Variants in FLOT1 observed in about 807,000 individuals in gnomAD.
The protein encoded by FLOT1 is flotillin 1, also known as flotillin-1.
Under a neutral mutation model 58.4 loss-of-function variants are expected in FLOT1, and 40 were observed. That is an observed-to-expected ratio of 0.69 (90% CI 0.53 to 0.89). FLOT1 has a LOEUF of 0.89. FLOT1 is among the 40% of genes least tolerant of loss of function. The probability of loss-of-function intolerance (pLI) is 0.00; values close to 1 mark genes in which losing one functional copy is unlikely to be tolerated. For synonymous variants in FLOT1, 178 were observed against 204.2 expected (o/e 0.87, Z 1.09); for missense variants, 423 against 540.8 (o/e 0.78, Z 2.16).
chr6:30,740,218 G>T lies in FLOT1; in HGVS notation c.663C>A (p.Ala221=), dbSNP rs754967166. The T allele has an allele frequency of 6.2e-7, 1 of 1,612,944 alleles. No homozygotes were observed. The change falls in exon 8 of 13, where the codon GCC becomes GCA. Residue 221 remains alanine (A), a synonymous_variant. Coordinates refer to ENST00000376389, the MANE Select transcript of FLOT1 (RefSeq NM_005803.4). ...KAQRDYELKK[A]AYDIEVNTRR... is the part of the protein sequence containing the mutation. Reference sequence around the variant, plus strand: ...GGGTGTTGACCTCGATGTCATAGGCGGCCTTCTTCAGTTCGTAATCTCTCT... The same window carrying T: ...GGGTGTTGACCTCGATGTCATAGGCTGCCTTCTTCAGTTCGTAATCTCTCT...
At position 30,730,183 on chromosome 6, in the gene FLOT1, C is replaced by T. The variant is rs1208853182; in HGVS notation, c.1093G>A (p.Ala365Thr). The T allele has an allele frequency of 6.2e-7, 1 of 1,612,952 alleles. No homozygotes were observed. Among genetic ancestry groups the T allele is most frequent in the Admixed American group, 1.7e-5 (1 of 60,016 alleles). Reference protein sequence around the residue: ...DMLLEKLPQVAEEISGPLTSA... With the variant: ...DMLLEKLPQVTEEISGPLTSA... ...GTCAAGGGACCACTGATCTCCTCTGCCACCTGGCAGGAGAGAGACACCCAC... is the reference window on the plus strand; with the variant it reads ...GTCAAGGGACCACTGATCTCCTCTGTCACCTGGCAGGAGAGAGACACCCAC... The change falls in exon 12 of 13, where the codon GCA (alanine) becomes ACA (threonine). Residue 365 changes from alanine (A) to threonine (T), a missense_variant. Physicochemically the swap from Ala to Thr is moderately conservative, Grantham distance 58. Coordinates refer to ENST00000376389, the MANE Select transcript of FLOT1 (RefSeq NM_005803.4).
At chr6:30,734,115 C>G (rs1777402519) in intron 8 of FLOT1, among the ~76,000 whole-genome samples, 1 of 147,286 alleles carries the variant, frequency 6.8e-6, no homozygotes, top group Non-Finnish European at 1.5e-5. Flanking sequence ...TGAGATCTCT[C>G]TCTCTCTAGA....
intron 8 of FLOT1, among the ~76,000 whole-genome samples, chr6:30,735,399 G>T (rs1777494262): frequency 6.6e-6 from 1 of 151,358 alleles, no homozygotes; most frequent in African/African-American, 2.4e-5. Flanking sequence ...ATCACTTGAG[G>T]CTAGCAGTTC....
chr6:30,729,947 G>A lies in FLOT1; in HGVS notation c.1254+75C>T, dbSNP rs1011573599. 2.9e-6 allele frequency: 4 copies of A among 1,385,298 alleles called. No individual in the cohort carries two copies. The African/African-American group carries it at 5.7e-5, about 20-fold the overall frequency. The allele number at this position is 1,385,298 out of a possible 1,614,324, so 85.8% of individuals were successfully genotyped here. The stretch of plus-strand genomic sequence containing the variant: ...CAATGACTCCCAGGCCTGGATGCTG[G>A]TTAAATGCTAGGCATACTGTGTCAC... On this transcript the variant is annotated intron_variant, in intron 12 of 12. Transcript: ENST00000376389.
At chr6:30,733,207 T>C (rs557468292) in intron 8 of FLOT1, among the ~76,000 whole-genome samples, 3 of 152,110 alleles carry the variant, frequency 2.0e-5, no homozygotes, top group Admixed American at 6.5e-5. Flanking sequence ...AGCTAATTTT[T>C]GTGTTTTTAA....
intron 8 of FLOT1, among the ~76,000 whole-genome samples, chr6:30,739,200 A>G (rs2127778075): frequency 6.6e-6 from 1 of 152,246 alleles, no homozygotes; most frequent in Middle Eastern, 3.4e-3. Flanking sequence ...CAAATCAGAA[A>G]TTCCTCTGTG....
chr6:30,732,464 C>T (rs1026682700), intron 8 of FLOT1, among the ~76,000 whole-genome samples: 3 of 151,726 alleles, frequency 2.0e-5, no homozygotes, highest in Non-Finnish European at 2.9e-5. Context: ...ATGATCCTCC[C>T]GCCTCCCCCT....
intron 8 of FLOT1, 85 bp downstream of exon 8, chr6:30,740,073 T>G: frequency 8.8e-5 from 116 of 1,312,680 alleles, no homozygotes; most frequent in Non-Finnish European, 1.2e-4. Flanking sequence ...AGTTAAAGTA[T>G]GAGAAATAGT....
At position 30,730,033 on chromosome 6, in the gene FLOT1, T is replaced by C. The variant is rs773173080; in HGVS notation, c.1243A>G (p.Ser415Gly). 14 of 1,612,904 alleles carry C rather than the reference T, an allele frequency of 8.7e-6. No homozygotes were observed. The East Asian group carries it at 2.0e-4, about 23-fold the overall frequency. Residue 415 changes from serine (S) to glycine (G), a missense_variant, in exon 12 of 13, where the codon AGC (serine) becomes GGC (glycine). Transcript: ENST00000376389. ...PESVERLTGV[S>G]ISQVNHKPLR... Reference sequence around the variant, plus strand: ...ACCTGAGACCTCACCTGGGAGATGCTCACGCCTGTGAGTCTTTCCACACTC... The same window carrying C: ...ACCTGAGACCTCACCTGGGAGATGCCCACGCCTGTGAGTCTTTCCACACTC...
rs1214356628 is a variant in FLOT1 at position 30,737,246 on chromosome 6, G to GTCCATCCATCCATCCA, written c.723+2911_723+2912insTGGATGGATGGATGGA. Reference sequence around the variant, plus strand: ...CGTCCGTCCGTCCGTCCGTCCGTCCGTCCATCCGTCCATCCATCCATCCAT... The same window carrying GTCCATCCATCCATCCA: ...CGTCCGTCCGTCCGTCCGTCCGTCCGTCCATCCATCCATCCATCCATCCGTCCATCCATCCATCCAT... On this transcript the variant is annotated intron_variant, in intron 8 of 12. Transcript: ENST00000376389. The surrounding 1 kb of genome is among the most constrained non-coding windows in gnomAD (Gnocchi z 4.4). Among the ~76,000 whole-genome samples, 271 of 145,392 alleles carry GTCCATCCATCCATCCA rather than the reference G, an allele frequency of 1.9e-3. 4 individuals carry two copies. Among genetic ancestry groups the GTCCATCCATCCATCCA allele is most frequent in the African/African-American group, 6.4e-3 (250 of 38,992 alleles).
chr6:30,741,457 G>A lies in FLOT1; in HGVS notation c.211-124C>T, dbSNP rs890758485. 22 of 1,389,344 alleles carry A rather than the reference G, an allele frequency of 1.6e-5. No individual in the cohort carries two copies. The highest frequency in any genetic ancestry group is 2.1e-5 in the Non-Finnish European group (21 of 992,958). 86.1% of individuals were successfully genotyped at this position (1,389,344 alleles called of 1,614,324 possible). ...CCATTTCAGGGAAAGAAAGGAGGAG[G>A]AGGCAAGTGCCTTGGGGTGCCTGGA... On this transcript the variant is annotated intron_variant, in intron 4 of 12. Coordinates refer to ENST00000376389, the MANE Select transcript of FLOT1 (RefSeq NM_005803.4). The surrounding 1 kb of genome is among the most constrained non-coding windows in gnomAD (Gnocchi z 5.9).
At position 30,742,102 on chromosome 6, in the gene FLOT1, A is replaced by G. The variant is rs1002323051; in HGVS notation, c.43+45T>C. 4 of 1,591,570 alleles carry G rather than the reference A, an allele frequency of 2.5e-6. No homozygotes were observed. Among genetic ancestry groups the G allele is most frequent in the Admixed American group, 3.3e-5 (2 of 59,910 alleles). ...GAGAAGGGGCAGAGGCCAGACTCAC[A>G]GGGGTTCTGGGGTCACTGGCTGGGA... On this transcript the variant is annotated intron_variant, in intron 2 of 12. Transcript: ENST00000376389. This position sits in a 1 kb window ranked among gnomAD's most constrained non-coding sequence, Gnocchi z 5.2.
At position 30,742,096 on chromosome 6, in the gene FLOT1, A is replaced by C; in HGVS notation, c.43+51T>G. Reference sequence around the variant, plus strand: ...GAGAGGGAGAAGGGGCAGAGGCCAGACTCACAGGGGTTCTGGGGTCACTGG... The same window carrying C: ...GAGAGGGAGAAGGGGCAGAGGCCAGCCTCACAGGGGTTCTGGGGTCACTGG... On this transcript the variant is annotated intron_variant, in intron 2 of 12. Transcript: ENST00000376389. The surrounding 1 kb of genome is among the most constrained non-coding windows in gnomAD (Gnocchi z 5.2). 6.3e-7 allele frequency: 1 copy of C among 1,587,108 alleles called. No homozygotes were observed. The highest frequency in any genetic ancestry group is 8.6e-7 in the Non-Finnish European group (1 of 1,157,736).
intron 5 of FLOT1, 21 bp from the exon 6 acceptor site, chr6:30,740,819 G>C (rs555852170): frequency 6.3e-7 from 1 of 1,589,296 alleles, no homozygotes; most frequent in Non-Finnish European, 8.5e-7. Context: ...AGGATGGTGG[G>C]GAGAAGGGAT....
Position 30,728,506 on chromosome 6 carries a change from A to G in FLOT1, c.1255-361T>C, listed in dbSNP as rs544569596. Among the ~76,000 whole-genome samples the G allele has an allele frequency of 1.6e-3, 230 of 146,320 alleles. 4 individuals are homozygous for G. The highest frequency in any genetic ancestry group is 0.011 in the Middle Eastern group (3 of 278). On this transcript the variant is annotated intron_variant, in intron 12 of 12. Transcript: ENST00000376389. ...TTTTTTTGAGACGGAATCTCACTCTATCACCCAGGCTAGAATGCAGTGGTG... is the reference window on the plus strand; with the variant it reads ...TTTTTTTGAGACGGAATCTCACTCTGTCACCCAGGCTAGAATGCAGTGGTG...
In FLOT1 at chr6:30,727,967, A is replaced by G. The variant is rs768418162; in HGVS notation, c.*149T>C. 5.2e-6 allele frequency: 4 copies of G among 776,184 alleles called. No homozygotes were observed. Among genetic ancestry groups the G allele is most frequent in the Non-Finnish European group, 9.1e-6 (4 of 441,788 alleles). The allele number at this position is 776,184 out of a possible 1,614,324, so 48.1% of individuals were successfully genotyped here. A position where few individuals can be genotyped will look rare whatever the true frequency, so the allele number is the denominator to read the frequency against. ...GGCAAGGGGAGCAACCCCCTTCAAG[A>G]CAAGGCACAAACTATTTGGCAAGGA... On this transcript the variant is annotated 3_prime_UTR_variant, in exon 13 of 13. Transcript: ENST00000376389.
rs764742532 is a variant in FLOT1 at position 30,741,665 on chromosome 6, T to C, written c.159A>G (p.Glu53=). The C allele has an allele frequency of 1.2e-6, 2 of 1,612,926 alleles. No individual in the cohort carries two copies. Among genetic ancestry groups the C allele is most frequent in the Admixed American group, 3.3e-5 (2 of 60,012 alleles). Residue 53 remains glutamate, a synonymous_variant, in exon 4 of 13, where the codon GAA becomes GAG. Transcript: ENST00000376389. The surrounding 1 kb of genome is among the most constrained non-coding windows in gnomAD (Gnocchi z 5.9). ...GGACCCCATGGCGAGTGTAAACCTT[T>C]TCACTCTTGACATTGAGGGTCAGTG... ...LNTLTLNVKS[E]KVYTRHGVPI... is the part of the protein sequence containing the mutation.
chr6:30,732,035 A>C (rs187886177), intron 8 of FLOT1, among the ~76,000 whole-genome samples: 16 of 152,214 alleles, frequency 1.1e-4, no homozygotes, highest in Non-Finnish European at 1.8e-4. Context: ...TGGCACGATC[A>C]GCTCAGTGCA....
intron 9 of FLOT1, 93 bp from the exon 10 acceptor site, chr6:30,730,820 T>C (rs1388948450): frequency 1.2e-6 from 2 of 1,605,410 alleles, no homozygotes; most frequent in East Asian, 2.2e-5. Flanking sequence ...TCCTGAAACC[T>C]GAAATCCATA....
Sources: gnomAD v4.1 joint callset for allele counts (sites outside exome capture counted in the v4.1 genomes callset) on GRCh38, gnomAD v4.1.1 for gene constraint, Gnocchi (gnomAD v3.1) non-coding constraint, MANE v1.5 for transcripts, NCBI Gene and HGNC (gene_info 2026-07-23, HGNC 2026-07-21) for gene names.